Variants in FAM161A observed in about 807,000 individuals in gnomAD.
FAM161A encodes the protein FAM161 centrosomal protein A.
A neutral mutation model predicts 70.9 loss-of-function variants in FAM161A; 57 were observed. That is an observed-to-expected ratio of 0.80 (90% CI 0.65 to 1.00). The LOEUF (loss-of-function observed/expected upper bound fraction) is 1.00, where lower values mean the gene tolerates loss of function less well. Ranked by LOEUF, FAM161A falls within the 50% of genes least tolerant of loss-of-function variation. The pLI is 0.00. For missense variants in FAM161A, 880 were observed against 836.0 expected (o/e 1.05, Z -0.65); for synonymous variants, 299 against 295.7 (o/e 1.01, Z -0.12).
At chr2:61,821,769 T>TTTATTA (rs571469343), downstream of FAM161A, among the ~76,000 whole-genome samples, 1 of 151,634 alleles carries the variant, frequency 6.6e-6, no homozygotes, top group African/African-American at 2.4e-5. Flanking sequence ...TTTTATTTTA[T>TTTATTA]TTATTATTAT....
At chr2:61,820,344 C>A, downstream of FAM161A, 1 of 749,736 alleles carries the variant, frequency 1.3e-6, no homozygotes, top group Admixed American at 1.7e-5. Context: ...TGAGAGATCC[C>A]AACACCAAGT....
rs769359884 is a variant in FAM161A, at chr2:61,836,057, C to T, written c.1804G>A (p.Glu602Lys). The T allele has an allele frequency of 3.0e-5, 49 of 1,609,500 alleles. 2 individuals carry two copies. In the South Asian group the frequency reaches 3.5e-4, roughly 12 times the overall value. Residue 602 changes from glutamate (E) to lysine (K), a missense_variant, in exon 5 of 7, where the codon GAA becomes AAA. Glu to Lys is a moderately conservative substitution (Grantham distance 56). Coordinates refer to ENST00000404929, the MANE Select transcript of FAM161A (RefSeq NM_001201543.2). ...AGTGGCCTCTTTTTTAATTTTTCTTCTCTTTCTTCTAGTTCTCGTTGGTAT... is the reference window on the plus strand; with the variant it reads ...AGTGGCCTCTTTTTTAATTTTTCTTTTCTTTCTTCTAGTTCTCGTTGGTAT... The part of the protein sequence containing the change: ...REYQRELEER[E>K]EKLKKRPLLF...
chr2:61,804,947 C>G, the FAM161A span, among the ~76,000 whole-genome samples: 1 of 152,072 alleles, frequency 6.6e-6, no homozygotes, highest in Non-Finnish European at 1.5e-5. Flanking sequence ...AATGAATCCA[C>G]TGGCACCTAG....
chr2:61,802,728 A>C, the FAM161A span, among the ~76,000 whole-genome samples: 1 of 152,192 alleles, frequency 6.6e-6, no homozygotes, highest in South Asian at 2.1e-4. Flanking sequence ...GAATTTCTGC[A>C]TGTATTCATT....
chr2:61,829,044 G>A (rs1337444627), intron 5 of FAM161A, among the ~76,000 whole-genome samples: 1 of 152,120 alleles, frequency 6.6e-6, no homozygotes. Context: ...CAGTTCCAAT[G>A]TACCAATGGC....
At chr2:61,816,617 A>T in the FAM161A span, among the ~76,000 whole-genome samples, 24 of 151,522 alleles carry the variant, frequency 1.6e-4, no homozygotes, top group Non-Finnish European at 2.7e-4. Flanking sequence ...ACACCACTAG[A>T]TGTGGCTAAT....
rs1298190679 is a variant in FAM161A at position 61,827,230 on chromosome 2, T to C, written c.1880A>G (p.His627Arg). 1.2e-6 allele frequency: 2 copies of C among 1,613,638 alleles called. No homozygotes were observed. The highest frequency in any genetic ancestry group is 1.7e-5 in the Admixed American group (1 of 60,004). The change falls in exon 6 of 7, where the codon CAT (histidine) becomes CGT (arginine). Residue 627 changes from histidine to arginine, a missense_variant. Coordinates refer to ENST00000404929, the MANE Select transcript of FAM161A (RefSeq NM_001201543.2). ...QKNARMAAEK[H>R]YSNTLKALGI... Reference sequence around the variant, plus strand: ...TAGTGCTTTTAGGGTATTAGAATAATGCTTTTCTGCTGCCATTCTTGCATT... The same window carrying C: ...TAGTGCTTTTAGGGTATTAGAATAACGCTTTTCTGCTGCCATTCTTGCATT...
Position 61,840,242 on chromosome 2 carries a change from C to T in FAM161A, c.762G>A (p.Glu254=), listed in dbSNP as rs188504189. 8.7e-6 allele frequency: 14 copies of T among 1,613,936 alleles called. No individual in the cohort carries two copies. Among genetic ancestry groups the T allele is most frequent in the Admixed American group, 1.7e-5 (1 of 59,962 alleles). Residue 254 remains glutamate (E), a synonymous_variant, in exon 3 of 7, where the codon GAG becomes GAA. Transcript: ENST00000404929. The part of the protein sequence containing the change: ...MMIREQKKKE[E]SMKSKSDIEM... ...CGATATCTGATTTAGATTTCATGGA[C>T]TCTTCTTTTTTCTTCTGTTCTCTTA... is the stretch of plus-strand genomic sequence containing the variant.
At chr2:61,838,088 C>G (rs1379023720) in intron 4 of FAM161A, among the ~76,000 whole-genome samples, 3 of 152,164 alleles carry the variant, frequency 2.0e-5, no homozygotes, top group African/African-American at 7.2e-5. Context: ...TTGAAACTAA[C>G]AAAATGCAAC....
At chr2:61,818,997 T>A in the FAM161A span, among the ~76,000 whole-genome samples, 1 of 152,176 alleles carries the variant, frequency 6.6e-6, no homozygotes, top group African/African-American at 2.4e-5. Flanking sequence ...CTTAATGTCA[T>A]ACAAAGTACA....
At chr2:61,823,144 C>T (rs1223966065), downstream of FAM161A, among the ~76,000 whole-genome samples, 24 of 150,864 alleles carry the variant, frequency 1.6e-4, no homozygotes, top group African/African-American at 5.6e-4. Context: ...ACCAGCCTGG[C>T]CAAGATGGTG....
At position 61,834,821 on chromosome 2, in the gene FAM161A, A is replaced by AAAATAAAT. The variant is rs201496756; in HGVS notation, c.1851+1181_1851+1188dup. On this transcript the variant is annotated intron_variant, in intron 5 of 6. Transcript: ENST00000404929. Reference sequence around the variant, plus strand: ...CCTTGAATTTAAAATAAAAGTTGAAAAAATAAATAAATAAATAAATAAGAA... The same window carrying AAAATAAAT: ...CCTTGAATTTAAAATAAAAGTTGAAAAAATAAATAAATAAATAAATAAATAAATAAGAA... Among the ~76,000 whole-genome samples, 27 of 152,162 alleles carry AAAATAAAT rather than the reference A, an allele frequency of 1.8e-4. 1 individual carries two copies. Among genetic ancestry groups the AAAATAAAT allele is most frequent in the African/African-American group, 6.3e-4 (26 of 41,524 alleles).
At chr2:61,820,128 T>G (rs2105050372), downstream of FAM161A, 4 of 457,856 alleles carry the variant, frequency 8.7e-6, no homozygotes, top group East Asian at 1.6e-4. Flanking sequence ...TCTGCTGCAT[T>G]TAATAGACAC....
intron 4 of FAM161A, 50 bp downstream of exon 4, chr2:61,838,488 A>G (rs774024432): frequency 2.0e-6 from 3 of 1,486,392 alleles, no homozygotes; most frequent in Non-Finnish European, 2.8e-6. Flanking sequence ...ATTAAAAAAA[A>G]AAGAGTTTGA....
intron 1 of FAM161A, among the ~76,000 whole-genome samples, chr2:61,847,503 G>A (rs1458866173): frequency 1.3e-5 from 2 of 152,136 alleles, no homozygotes; most frequent in African/African-American, 4.8e-5. Flanking sequence ...AGGCCTGATG[G>A]CTCAGGCCTG....
the FAM161A span, among the ~76,000 whole-genome samples, chr2:61,804,513 C>T: frequency 2.0e-5 from 3 of 151,840 alleles, no homozygotes; most frequent in African/African-American, 4.8e-5. Context: ...GGTGAAACCC[C>T]GTCTCTACTA....
Position 61,827,197 on chromosome 2 carries a change from G to C in FAM161A, c.1913C>G (p.Ser638Cys), listed in dbSNP as rs1186163458. ...GCCTTTCTTTGAAACAAACTCATCA[G>C]ATATTCCTAGTGCTTTTAGGGTATT... The part of the protein sequence containing the change: ...YSNTLKALGI[S>C]DEFVSKKGQS... The change falls in exon 6 of 7, where the codon TCT (serine) becomes TGT (cysteine). Residue 638 changes from serine to cysteine, a missense_variant. Physicochemically the swap from Ser to Cys is moderately radical, Grantham distance 112. Coordinates refer to ENST00000404929, the MANE Select transcript of FAM161A (RefSeq NM_001201543.2). 5.0e-6 allele frequency: 8 copies of C among 1,613,728 alleles called. No individual in the cohort carries two copies. Among genetic ancestry groups the C allele is most frequent in the Non-Finnish European group, 6.8e-6 (8 of 1,179,932 alleles).
chr2:61,842,505 GGTTATTT>G, intron 1 of FAM161A, 145 bp from the exon 2 acceptor site: 1 of 605,454 alleles, frequency 1.7e-6, no homozygotes, highest in Non-Finnish European at 2.9e-6. Flanking sequence ...ATGAGTTATA[GGTTATTT>G]GTGGGCTATG....
chr2:61,815,057 T>C, the FAM161A span, among the ~76,000 whole-genome samples: 239 of 152,288 alleles, frequency 1.6e-3, no homozygotes, highest in African/African-American at 5.3e-3. Flanking sequence ...AGCTATTCCT[T>C]GATGCCTAGG....
Sources: gnomAD v4.1 joint callset for allele counts (sites outside exome capture counted in the v4.1 genomes callset) on GRCh38, gnomAD v4.1.1 for gene constraint, MANE v1.5 for transcripts, NCBI Gene and HGNC (gene_info 2026-07-23, HGNC 2026-07-21) for gene names.